RAD51B: variants seen among roughly 807,000 people sequenced by gnomAD.
The protein encoded by RAD51B is DNA repair protein RAD51 homolog 2.
RAD51B carries 38 observed loss-of-function variants against 42.2 expected under a neutral mutation model. The observed-to-expected ratio is 0.90, with a 90% CI of 0.70 to 1.18. The LOEUF is 1.18. Among genes scored for constraint, RAD51B ranks in the 50% most tolerant of loss-of-function variants. The probability of loss-of-function intolerance (pLI) is 0.00; values close to 1 mark genes in which losing one functional copy is unlikely to be tolerated. For synonymous variants in RAD51B, 154 were observed against 145.2 expected, an observed-to-expected ratio of 1.06 and a Z score of -0.43; for missense variants, 373 against 400.7, an observed-to-expected ratio of 0.93 and a Z score of 0.59.
intron 7 of RAD51B, among the ~76,000 whole-genome samples, chr14:68,131,391 T>C (rs1457326627): frequency 6.6e-6 from 1 of 152,168 alleles, no homozygotes; most frequent in Non-Finnish European, 1.5e-5. Context: ...AAAGTACATG[T>C]CAAGATCAAA....
intron 7 of RAD51B, among the ~76,000 whole-genome samples, chr14:68,075,545 C>T (rs1269910927): frequency 1.3e-5 from 2 of 150,834 alleles, no homozygotes; most frequent in South Asian, 2.1e-4. Context: ...ATGGTGGCTG[C>T]GGTGTGCTGG....
chr14:68,482,524 G>C (rs1196054498), downstream of RAD51B, among the ~76,000 whole-genome samples: 5 of 152,160 alleles, frequency 3.3e-5, no homozygotes. Flanking sequence ...GCAAGGAGAA[G>C]TGCAAAATAT....
intron 7 of RAD51B, among the ~76,000 whole-genome samples, chr14:67,912,057 A>G (rs1257063016): frequency 6.6e-6 from 1 of 152,224 alleles, no homozygotes; most frequent in Admixed American, 6.5e-5. Context: ...TCTACTCTTT[A>G]TACAAAGCCA....
chr14:68,017,869 G>T (rs1184324753), intron 7 of RAD51B, among the ~76,000 whole-genome samples: 2 of 152,066 alleles, frequency 1.3e-5, no homozygotes, highest in South Asian at 4.1e-4. Flanking sequence ...TACTCGGGAC[G>T]CTGAGGCAGG....
chr14:68,409,890 A>G (rs1479525455), intron 8 of RAD51B, among the ~76,000 whole-genome samples: 2 of 152,250 alleles, frequency 1.3e-5, no homozygotes, highest in African/African-American at 4.8e-5. Context: ...TAATGAACTG[A>G]GGTTACCCCA....
At chr14:68,432,790 C>T (rs535322782) in intron 9 of RAD51B, among the ~76,000 whole-genome samples, 269 of 152,140 alleles carry the variant, frequency 1.8e-3, no homozygotes, top group African/African-American at 6.3e-3. Context: ...TTGATCCTGT[C>T]ATTATGTTAG....
chr14:68,026,344 A>G (rs989865425), intron 7 of RAD51B, among the ~76,000 whole-genome samples: 24 of 152,160 alleles, frequency 1.6e-4, no homozygotes, highest in Admixed American at 1.3e-4. Flanking sequence ...AGAGTGTTCT[A>G]TAGATGTCTA....
chr14:68,059,343 C>G (rs1279384985), intron 7 of RAD51B, among the ~76,000 whole-genome samples: 1 of 152,160 alleles, frequency 6.6e-6, no homozygotes, highest in African/African-American at 2.4e-5. Context: ...TACTTTTTAA[C>G]TATTTCTTAC....
intron 7 of RAD51B, among the ~76,000 whole-genome samples, chr14:68,121,520 C>T (rs912408496): frequency 3.9e-5 from 6 of 152,030 alleles, no homozygotes; most frequent in South Asian, 2.1e-4. Flanking sequence ...AACCTAAAAA[C>T]GAAAAAGTCA....
intron 7 of RAD51B, among the ~76,000 whole-genome samples, chr14:67,902,739 G>A (rs1595084263): frequency 6.6e-6 from 1 of 152,298 alleles, no homozygotes; most frequent in East Asian, 1.9e-4. Context: ...TATGTTTACA[G>A]AGGACCCTGC....
intron 8 of RAD51B, among the ~76,000 whole-genome samples, chr14:68,307,082 G>A (rs915539450): frequency 4.0e-5 from 6 of 151,638 alleles, no homozygotes; most frequent in East Asian, 1.9e-4. Flanking sequence ...AATACAGGGC[G>A]CTTTTGTCTT....
At chr14:68,635,531 T>C (rs1787621753) in intron 10 of RAD51B, among the ~76,000 whole-genome samples, 1 of 151,978 alleles carries the variant, frequency 6.6e-6, no homozygotes, top group African/African-American at 2.4e-5. Context: ...TAAGGATATA[T>C]TTTATTTGAA....
intron 7 of RAD51B, among the ~76,000 whole-genome samples, chr14:68,162,702 G>T (rs1414247196): frequency 6.6e-6 from 1 of 152,086 alleles, no homozygotes; most frequent in Non-Finnish European, 1.5e-5. Flanking sequence ...GGAGAATGGT[G>T]TGAACCCAGG....
intron 11 of RAD51B, among the ~76,000 whole-genome samples, chr14:68,671,108 C>T (rs2140154521): frequency 6.6e-6 from 1 of 152,270 alleles, no homozygotes; most frequent in South Asian, 2.1e-4. Context: ...AAATGAAACT[C>T]CCTGCCAAGG....
intron 7 of RAD51B, among the ~76,000 whole-genome samples, chr14:68,191,958 A>G (rs542624923): frequency 1.7e-4 from 26 of 152,300 alleles, no homozygotes; most frequent in African/African-American, 6.3e-4. Context: ...GCTTTATGAT[A>G]TACTCAGATA....
chr14:68,098,005 C>T (rs1415573203), intron 7 of RAD51B, among the ~76,000 whole-genome samples: 1 of 152,198 alleles, frequency 6.6e-6, no homozygotes, highest in East Asian at 1.9e-4. Context: ...ACCTGGAGAA[C>T]TCTACTCACT....
intron 11 of RAD51B, among the ~76,000 whole-genome samples, chr14:68,673,515 CAT>C (rs900111252): frequency 4.0e-5 from 6 of 151,528 alleles, no homozygotes; most frequent in South Asian, 2.1e-4. Context: ...TATGTACACA[CAT>C]ATGTACGCGC....
At chr14:68,328,283 C>T (rs2082285076) in intron 8 of RAD51B, among the ~76,000 whole-genome samples, 2 of 152,278 alleles carry the variant, frequency 1.3e-5, no homozygotes, top group South Asian at 4.1e-4. Context: ...ACAGAAAGTA[C>T]TGTATCTTCT....
chr14:68,673,180 G>A (rs1041780905), intron 11 of RAD51B, among the ~76,000 whole-genome samples: 1 of 152,182 alleles, frequency 6.6e-6, no homozygotes, highest in Non-Finnish European at 1.5e-5. Flanking sequence ...AAAGCAGATA[G>A]CTAATCTGTA....
Sources: gnomAD v4.1 joint callset for allele counts (sites outside exome capture counted in the v4.1 genomes callset) on GRCh38, gnomAD v4.1.1 for gene constraint, MANE v1.5 for transcripts, NCBI Gene and HGNC (gene_info 2026-07-23, HGNC 2026-07-21) for gene names.